The following AVIL variants were observed in gnomAD, a reference collection of about 807,000 sequenced individuals.
The protein encoded by AVIL is advillin.
In AVIL, 78 loss-of-function variants were observed where a neutral mutation model predicts 109.9. The observed-to-expected ratio is 0.71, with a 90% confidence interval of 0.59 to 0.86. The LOEUF is 0.86. AVIL is among the 40% of genes least tolerant of loss of function. AVIL has a pLI of 0.00. For missense variants in AVIL, 892 were observed against 1,016.5 expected (o/e 0.88, Z 1.67); for synonymous variants, 367 against 379.1 (o/e 0.97, Z 0.37).
At chr12:57,809,522 G>A (rs868082657) in intron 9 of AVIL, 75 bp downstream of exon 9, 2 of 1,511,520 alleles carry the variant, frequency 1.3e-6, no homozygotes, top group African/African-American at 1.4e-5. Flanking sequence ...TACCTAGCAT[G>A]GCTCTGTGGA....
chr12:57,813,106 G>T (rs1956057702), intron 4 of AVIL, 121 bp downstream of exon 4: 1 of 1,257,758 alleles, frequency 8.0e-7, no homozygotes, highest in Non-Finnish European at 1.1e-6. Context: ...GTGGGTGGAA[G>T]TGACAGCTTT....
At chr12:57,808,754 A>G in intron 9 of AVIL, 1 of 596,894 alleles carries the variant, frequency 1.7e-6, no homozygotes, top group East Asian at 2.9e-5. Flanking sequence ...GGATCTGTTT[A>G]TTGGCTTGCG....
intron 1 of AVIL, among the ~76,000 whole-genome samples, chr12:57,817,147 A>G (rs1047216355): frequency 1.3e-5 from 2 of 152,062 alleles, no homozygotes; most frequent in Non-Finnish European, 2.9e-5. Context: ...TTGAAATCTG[A>G]TAACATGCAT....
chr12:57,813,271 GT>G lies in AVIL; in HGVS notation c.293del (p.Tyr98SerfsTer26), dbSNP rs1192074454. The stretch of plus-strand genomic sequence containing the variant: ...AGCCACGGAAAGTGTCTGACTCATG[GT>G]ACTGGACCTCTCGGTGCTGCACAGG... ...GSPVQHREVQ[Y>X]HESDTFRGYF... On this transcript the variant is annotated frameshift_variant, in exon 4 of 20. Transcript: ENST00000549994. LOFTEE classifies it high-confidence loss of function. The G allele has an allele frequency of 1.2e-6, 2 of 1,613,984 alleles. No individual in the cohort carries two copies. Among genetic ancestry groups the G allele is most frequent in the Non-Finnish European group, 1.7e-6 (2 of 1,179,998 alleles).
chr12:57,803,601 G>T lies in AVIL; in HGVS notation c.1740C>A (p.Asn580Lys), dbSNP rs750235131. Residue 580 changes from asparagine (N) to lysine (K), a missense_variant, in exon 15 of 20, where the codon AAC becomes AAA. By Grantham distance (94) the Asn-to-Lys change is moderately conservative (BLOSUM62 0). Transcript: ENST00000549994. ...CTGGCTCCTGGCCCTCGGCCACAGTGTTCTCGCTGCCATCACAGAGAAGGC... is the reference window on the plus strand; with the variant it reads ...CTGGCTCCTGGCCCTCGGCCACAGTTTTCTCGCTGCCATCACAGAGAAGGC... ...LASLLCDGSE[N>K]TVAEGQEPAE... 36 of 1,613,994 alleles carry T rather than the reference G, an allele frequency of 2.2e-5. No individual in the cohort carries two copies. The highest frequency in any genetic ancestry group is 3.1e-5 in the Non-Finnish European group (36 of 1,180,024).
chr12:57,812,765 G>C (rs1485854052), intron 4 of AVIL, among the ~76,000 whole-genome samples: 1 of 152,188 alleles, frequency 6.6e-6, no homozygotes, highest in Non-Finnish European at 1.5e-5. Flanking sequence ...CCTTGTGTTA[G>C]GTGTGTATCT....
chr12:57,808,615 T>C, intron 9 of AVIL, 67 bp from the exon 10 acceptor site: 1 of 1,567,792 alleles, frequency 6.4e-7, no homozygotes, highest in Non-Finnish European at 8.7e-7. Context: ...GCTTGTCTGG[T>C]AATTCACCTC....
At chr12:57,816,974 T>C (rs1163584653) in intron 1 of AVIL, among the ~76,000 whole-genome samples, 7 of 151,938 alleles carry the variant, frequency 4.6e-5, no homozygotes, top group Non-Finnish European at 7.4e-5. Flanking sequence ...TCCTTCAGGA[T>C]TGAGCAAGTC....
chr12:57,806,270 C>T lies in AVIL; in HGVS notation c.1671+90G>A, dbSNP rs560017455. ...CTGCCAAAGCAAGCACTCCAGCCTA[C>T]TCTAGGTCCTTTGACCTTGCTGACA... is the stretch of plus-strand genomic sequence containing the variant. On this transcript the variant is annotated intron_variant, in intron 14 of 19. Transcript: ENST00000549994. 4.1e-6 allele frequency: 6 copies of T among 1,447,628 alleles called. No individual in the cohort carries two copies. The East Asian group carries it at 7.1e-5, about 17-fold the overall frequency. The allele number at this position is 1,447,628 out of a possible 1,614,324, so 89.7% of individuals were successfully genotyped here. A position where few individuals can be genotyped will look rare whatever the true frequency, so the allele number is the denominator to read the frequency against.
intron 12 of AVIL, 30 bp downstream of exon 12, chr12:57,807,559 GA>G (rs1250072678): frequency 1.2e-6 from 2 of 1,614,224 alleles, no homozygotes; most frequent in South Asian, 2.2e-5. Flanking sequence ...GACACATCAG[GA>G]TCCAAAGCTG....
intron 7 of AVIL, 55 bp from the exon 8 acceptor site, chr12:57,809,945 T>A: frequency 6.4e-7 from 1 of 1,561,992 alleles, no homozygotes; most frequent in Non-Finnish European, 8.8e-7. Context: ...CATCTTGTAG[T>A]CAACTAGATG....
chr12:57,815,837 G>A (rs556405389), intron 2 of AVIL, 138 bp downstream of exon 2: 1 of 1,536,196 alleles, frequency 6.5e-7, no homozygotes, highest in African/African-American at 1.4e-5. Flanking sequence ...ATGGGAAATA[G>A]GTACTTTGAT....
Position 57,811,083 on chromosome 12 carries a change from GT to G in AVIL, c.382del (p.Thr128ProfsTer6), listed in dbSNP as rs1278383634. On this transcript the variant is annotated frameshift_variant, in exon 5 of 20. Transcript: ENST00000549994. LOFTEE classifies it high-confidence loss of function. ...GVASGMKHVETNTYDVKRLLH... is the reference protein window; with the variant it reads ...GVASGMKHVEXNTYDVKRLLH... ...CAGCCGCTTCACGTCGTAGGTATTGGTCTCCACGTGCTTCATCCCAGAGGCG... is the reference window on the plus strand; with the variant it reads ...CAGCCGCTTCACGTCGTAGGTATTGGCTCCACGTGCTTCATCCCAGAGGCG... 1 of 1,614,018 alleles carries G rather than the reference GT, an allele frequency of 6.2e-7. No individual in the cohort carries two copies. Among genetic ancestry groups the G allele is most frequent in the Non-Finnish European group, 8.5e-7 (1 of 1,180,024 alleles).
chr12:57,809,253 G>T (rs761974196), intron 9 of AVIL: 6 of 261,790 alleles, frequency 2.3e-5, no homozygotes, highest in Non-Finnish European at 4.5e-5. Context: ...ACCTGCCTCG[G>T]CCTCCCAAAG....
chr12:57,811,305 G>A (rs1944525652), intron 4 of AVIL, among the ~76,000 whole-genome samples, 178 bp from the exon 5 acceptor site: 1 of 152,184 alleles, frequency 6.6e-6, no homozygotes, highest in Non-Finnish European at 1.5e-5. Context: ...TTCTGGTAGC[G>A]AGTTGGGGCA....
In AVIL at chr12:57,797,624, G is replaced by T; in HGVS notation, c.*258C>A. Reference sequence around the variant, plus strand: ...TTTCTTTTGATTTCTCCAGATTTATGCAGTTTTAGTGCTTTCTGCTGAGGC... The same window carrying T: ...TTTCTTTTGATTTCTCCAGATTTATTCAGTTTTAGTGCTTTCTGCTGAGGC... On this transcript the variant is annotated 3_prime_UTR_variant, in exon 20 of 20. Transcript: ENST00000549994. 1.1e-6 allele frequency: 1 copy of T among 908,424 alleles called. No individual in the cohort carries two copies. Among genetic ancestry groups the T allele is most frequent in the Non-Finnish European group, 1.3e-6 (1 of 744,782 alleles). 56.3% of individuals were successfully genotyped at this position (908,424 alleles called of 1,614,324 possible).
chr12:57,813,127 G>A, intron 4 of AVIL, 100 bp downstream of exon 4: 2 of 1,387,234 alleles, frequency 1.4e-6, no homozygotes, highest in Non-Finnish European at 2.0e-6. Flanking sequence ...GTTTTGATTT[G>A]CATTTCTCTG....
At chr12:57,809,993 G>GA (rs1956014166) in intron 7 of AVIL, 103 bp from the exon 8 acceptor site, 1 of 1,176,702 alleles carries the variant, frequency 8.5e-7, no homozygotes, top group Admixed American at 1.9e-5. Context: ...TTTCTAGGTA[G>GA]AGTGTGACTG....
chr12:57,813,124 T>C (rs1956057839), intron 4 of AVIL, 103 bp downstream of exon 4: 5 of 1,378,218 alleles, frequency 3.6e-6, no homozygotes, highest in Non-Finnish European at 5.0e-6. Flanking sequence ...TTTGTTTTGA[T>C]TTGCATTTCT....
Sources: allele counts gnomAD v4.1 joint callset (sites outside exome capture counted in the v4.1 genomes callset), GRCh38; gene constraint gnomAD v4.1.1; transcripts MANE v1.5; gene names NCBI Gene and HGNC (gene_info 2026-07-23, HGNC 2026-07-21).